Variants in MED12L observed in about 807,000 individuals in gnomAD.
MED12L encodes mediator of RNA polymerase II transcription subunit 12-like protein.
Under a neutral mutation model 281.3 loss-of-function variants are expected in MED12L, and 60 were observed. The ratio of observed to expected loss-of-function variants is 0.21; its 90% CI spans 0.17 to 0.26. The LOEUF (loss-of-function observed/expected upper bound fraction) is 0.26. MED12L is among the 10% of genes least tolerant of loss of function. MED12L has a pLI of 1.00. For missense variants in MED12L, 2,146 were observed against 2,680.9 expected (o/e 0.80, Z 4.41); for synonymous variants, 974 against 987.2 (o/e 0.99, Z 0.25).
At chr3:151,188,232 CAT>C in intron 12 of MED12L, 120 bp from the exon 13 acceptor site, 1 of 685,548 alleles carries the variant, frequency 1.5e-6, no homozygotes, top group Non-Finnish European at 2.4e-6. Context: ...TAAGTACAGA[CAT>C]ATCAATTAAT....
At chr3:151,422,128 G>T (rs1378751121) in intron 43 of MED12L, among the ~76,000 whole-genome samples, 5 of 152,210 alleles carry the variant, frequency 3.3e-5, no homozygotes, top group African/African-American at 1.2e-4. Flanking sequence ...GAGCGTGCCA[G>T]TGAAACATCA....
intron 10 of MED12L, 148 bp from the exon 11 acceptor site, chr3:151,165,698 G>A: frequency 1.0e-6 from 1 of 981,902 alleles, no homozygotes; most frequent in East Asian, 2.4e-5. Context: ...TGTCAAGTTT[G>A]GTTTTGTTGA....
intron 20 of MED12L, among the ~76,000 whole-genome samples, chr3:151,358,704 T>C (rs1270084694): frequency 6.6e-6 from 1 of 152,170 alleles, no homozygotes; most frequent in African/African-American, 2.4e-5. Context: ...TTTTACCTTA[T>C]ATTAGTAAGG....
At chr3:151,393,689 C>T (rs1010518877) in intron 38 of MED12L, among the ~76,000 whole-genome samples, 1 of 152,172 alleles carries the variant, frequency 6.6e-6, no homozygotes, top group Admixed American at 6.5e-5. Flanking sequence ...CAGTTCCCAA[C>T]ATTGACTTTT....
intron 16 of MED12L, among the ~76,000 whole-genome samples, chr3:151,348,152 A>G (rs1167823885): frequency 6.6e-6 from 1 of 152,176 alleles, no homozygotes; most frequent in African/African-American, 2.4e-5. Flanking sequence ...GATATTCTAT[A>G]AACAGTTACT....
chr3:151,395,003 G>C (rs1714775015), intron 39 of MED12L, 136 bp downstream of exon 39: 4 of 1,127,562 alleles, frequency 3.5e-6, no homozygotes, highest in African/African-American at 3.1e-5. Flanking sequence ...CTATCTCTCT[G>C]TTACAGGCTT....
At chr3:151,359,827 G>A (rs1754388110) in intron 20 of MED12L, among the ~76,000 whole-genome samples, 1 of 152,106 alleles carries the variant, frequency 6.6e-6, no homozygotes, top group Non-Finnish European at 1.5e-5. Context: ...AGTGTTTACA[G>A]CTGTGGTGTA....
Position 151,122,968 on chromosome 3 carries a change from A to C in MED12L, c.390A>C (p.Ala130=). 6.3e-7 allele frequency: 1 copy of C among 1,599,940 alleles called. No homozygotes were observed. Among genetic ancestry groups the C allele is most frequent in the Non-Finnish European group, 8.5e-7 (1 of 1,172,738 alleles). The change falls in exon 4 of 45, where the codon GCA becomes GCC. Residue 130 remains alanine (A), a synonymous_variant. Coordinates refer to ENST00000687756, the MANE Select transcript of MED12L (RefSeq NM_001393769.1). Reference sequence around the variant, plus strand: ...GAAATAAGCCACTTTCTATTTTGGCAAAAAAGGTATCAAATATTTCTTACA... The same window carrying C: ...GAAATAAGCCACTTTCTATTTTGGCCAAAAAGGTATCAAATATTTCTTACA... ...LAGNKPLSIL[A]KKVPILSKKE... is the part of the protein sequence containing the mutation.
At chr3:151,218,449 C>T (rs954508846) in intron 16 of MED12L, among the ~76,000 whole-genome samples, 1 of 152,204 alleles carries the variant, frequency 6.6e-6, no homozygotes, top group African/African-American at 2.4e-5. Flanking sequence ...CTGGTATTAT[C>T]ACTGAATTTC....
At chr3:151,338,851 G>A (rs1443298057) in intron 16 of MED12L, 1 of 1,612,620 alleles carries the variant, frequency 6.2e-7, no homozygotes, top group South Asian at 1.1e-5. Context: ...TGCATTTCTT[G>A]TTGGTTACCT....
chr3:151,337,394 A>G (rs183755261), intron 16 of MED12L: 1 of 186,458 alleles, frequency 5.4e-6, no homozygotes, highest in Admixed American at 5.5e-5. Context: ...GGATATATAT[A>G]CATTTTAACT....
chr3:151,171,880 TTTC>T (rs1398987415), intron 11 of MED12L, among the ~76,000 whole-genome samples: 1 of 152,200 alleles, frequency 6.6e-6, no homozygotes, highest in Admixed American at 6.5e-5. Flanking sequence ...GGGGTCTATG[TTTC>T]TTCTTCTCCT....
intron 5 of MED12L, among the ~76,000 whole-genome samples, chr3:151,141,082 T>G (rs1716865204): frequency 6.6e-6 from 1 of 152,118 alleles, no homozygotes; most frequent in South Asian, 2.1e-4. Flanking sequence ...TTAGCCATGA[T>G]GGTCTCGATC....
At chr3:151,086,550 C>T (rs997012198) in intron 1 of MED12L, 1 of 162,054 alleles carries the variant, frequency 6.2e-6, no homozygotes, top group Non-Finnish European at 1.3e-5. Context: ...GGGTTTGGGT[C>T]CATTGGTGAA....
intron 16 of MED12L, among the ~76,000 whole-genome samples, chr3:151,312,053 C>CA (rs1553775846): frequency 1.3e-5 from 2 of 151,778 alleles, no homozygotes; most frequent in Admixed American, 1.3e-4. Context: ...AAAACAACAA[C>CA]ACAAAAACAA....
At chr3:151,315,990 C>T (rs1489998053) in intron 16 of MED12L, among the ~76,000 whole-genome samples, 1 of 152,164 alleles carries the variant, frequency 6.6e-6, no homozygotes, top group African/African-American at 2.4e-5. Context: ...GTGAAAACTT[C>T]CCAAACAGTT....
chr3:151,343,483 A>T (rs948683719), intron 16 of MED12L, among the ~76,000 whole-genome samples: 1 of 152,190 alleles, frequency 6.6e-6, no homozygotes, highest in Admixed American at 6.5e-5. Flanking sequence ...TTTTCATTGG[A>T]GGAAGACTGC....
Position 151,376,944 on chromosome 3 carries a change from G to A in MED12L, c.4129-47G>A, listed in dbSNP as rs141597095. Reference sequence around the variant, plus strand: ...AAGCAAAAACACGTTGATGTTTGAGGATAAAGGAATACACATATGTGCCAG... The same window carrying A: ...AAGCAAAAACACGTTGATGTTTGAGAATAAAGGAATACACATATGTGCCAG... On this transcript the variant is annotated intron_variant, in intron 29 of 44. Coordinates refer to ENST00000687756, the MANE Select transcript of MED12L (RefSeq NM_001393769.1). The A allele has an allele frequency of 2.0e-5, 33 of 1,610,774 alleles. No individual in the cohort carries two copies. The African/African-American group carries it at 4.0e-4, about 20-fold the overall frequency.
At position 151,231,826 on chromosome 3, in the gene MED12L, T is replaced by C. The variant is rs137861872; in HGVS notation, c.2250+38160T>C. Among the ~76,000 whole-genome samples the C allele has an allele frequency of 4.5e-4, 69 of 152,302 alleles. 1 individual carries two copies. The highest frequency in any genetic ancestry group is 3.7e-4 in the Non-Finnish European group (25 of 68,018). ...TGGTGTGGTTAAGCGAGAGAGTATT[T>C]AGAGATGCTTATTGAAGTATTTAGA... On this transcript the variant is annotated intron_variant, in intron 16 of 44. Coordinates refer to ENST00000687756, the MANE Select transcript of MED12L (RefSeq NM_001393769.1).
Sources: gnomAD v4.1 joint callset for allele counts (sites outside exome capture counted in the v4.1 genomes callset) on GRCh38, gnomAD v4.1.1 for gene constraint, MANE v1.5 for transcripts, NCBI Gene and HGNC (gene_info 2026-07-23, HGNC 2026-07-21) for gene names.